The following SDK1 variants were observed in gnomAD, a reference collection of about 807,000 sequenced individuals.
The protein encoded by SDK1 is sidekick cell adhesion molecule 1.
In SDK1, 157 loss-of-function variants were observed where a neutral mutation model predicts 245.5. The observed-to-expected ratio is 0.64, with a 90% CI of 0.56 to 0.73. The LOEUF (loss-of-function observed/expected upper bound fraction) is 0.73, where lower values mean the gene tolerates loss of function less well. Ranked by LOEUF, SDK1 falls within the 30% of genes least tolerant of loss-of-function variation. The pLI is 0.00. For synonymous variants in SDK1, 1,647 were observed against 1,278.5 expected, an observed-to-expected ratio of 1.29 and a Z score of -6.15; for missense variants, 3,583 against 3,002.3, an observed-to-expected ratio of 1.19 and a Z score of -4.52.
rs1779260623 is a variant in SDK1, at chr7:3,301,627, G to GCGA, written c.43_44insACG (p.Gly14_Gly15insAsp). 1 of 977,742 alleles carries GCGA rather than the reference G, an allele frequency of 1.0e-6. No homozygotes were observed. The allele number at this position is 977,742 out of a possible 1,614,324, so 60.6% of individuals were successfully genotyped here. A position where few individuals can be genotyped will look rare whatever the true frequency, so the allele number is the denominator to read the frequency against. ...CGGCCCTCGGCGGCCGGTGGCGGCGGCGGCGGCGCGGAGCCCCCTGAGCGC... is the reference window on the plus strand; with the variant it reads ...CGGCCCTCGGCGGCCGGTGGCGGCGGCGACGGCGGCGCGGAGCCCCCTGAGCGC... On this transcript the variant is annotated inframe_insertion, in exon 1 of 45. Coordinates refer to ENST00000404826, the MANE Select transcript of SDK1 (RefSeq NM_152744.4).
chr7:4,226,176 A>C (rs1785434513), intron 40 of SDK1, among the ~76,000 whole-genome samples: 1 of 152,186 alleles, frequency 6.6e-6, no homozygotes, highest in Non-Finnish European at 1.5e-5. Context: ...GACGTTCTCC[A>C]GGTGGGGTGT....
At chr7:3,644,802 A>AAAAAAAAAACCAG (rs1297841435) in intron 4 of SDK1, among the ~76,000 whole-genome samples, 1 of 133,058 alleles carries the variant, frequency 7.5e-6, no homozygotes, top group Non-Finnish European at 1.6e-5. Flanking sequence ...ACAAAAAACA[A>AAAAAAAAAACCAG]CAACAACGGC....
chr7:3,408,735 G>C (rs935344791), intron 1 of SDK1, among the ~76,000 whole-genome samples: 1 of 152,082 alleles, frequency 6.6e-6, no homozygotes, highest in African/African-American at 2.4e-5. Flanking sequence ...CTCTATTTAT[G>C]AACTGTATGT....
chr7:4,255,567 G>C (rs927658023), intron 44 of SDK1, among the ~76,000 whole-genome samples: 1 of 152,170 alleles, frequency 6.6e-6, no homozygotes, highest in African/African-American at 2.4e-5. Flanking sequence ...CAGGCTCCCA[G>C]CTTACAAGCA....
At position 3,987,331 on chromosome 7, in the gene SDK1, C is replaced by G. The variant is rs761282662; in HGVS notation, c.2131+9C>G. On this transcript the variant is annotated intron_variant, in intron 14 of 44. Coordinates refer to ENST00000404826, the MANE Select transcript of SDK1 (RefSeq NM_152744.4). ...GGAGCTCTCTGAAAACAGTAAGTAG[C>G]AAAATGAAACTGTCACCATGGACGA... 3.1e-6 allele frequency: 5 copies of G among 1,612,754 alleles called. No individual in the cohort carries two copies. Among genetic ancestry groups the G allele is most frequent in the East Asian group, 4.5e-5 (2 of 44,890 alleles).
At chr7:4,031,609 ATATG>A (rs1158479829) in intron 17 of SDK1, among the ~76,000 whole-genome samples, 2 of 152,220 alleles carry the variant, frequency 1.3e-5, no homozygotes, top group African/African-American at 4.8e-5. Context: ...ACATGTAATT[ATATG>A]TATGTAGAGA....
At chr7:4,010,843 C>A in intron 14 of SDK1, 123 bp from the exon 15 acceptor site, 3 of 983,428 alleles carry the variant, frequency 3.1e-6, no homozygotes, top group Admixed American at 2.5e-5. Flanking sequence ...GATAAGCTTT[C>A]CTTCTCCTAG....
rs140013810 is a variant in SDK1, at chr7:3,700,874, C to A, written c.713+58769C>A. Among the ~76,000 whole-genome samples, 618 of 152,134 alleles carry A rather than the reference C, an allele frequency of 4.1e-3. 6 individuals carry two copies. Among genetic ancestry groups the A allele is most frequent in the African/African-American group, 0.014 (598 of 41,498 alleles). On this transcript the variant is annotated intron_variant, in intron 4 of 44. Coordinates refer to ENST00000404826, the MANE Select transcript of SDK1 (RefSeq NM_152744.4). ...TATTTCTATTTTTTTGGTGTGCTTC[C>A]GTCAGCTATTCCTTAAAGGTGGGTA...
intron 14 of SDK1, among the ~76,000 whole-genome samples, chr7:4,007,223 G>A (rs1487793306): frequency 6.6e-6 from 1 of 152,212 alleles, no homozygotes; most frequent in Non-Finnish European, 1.5e-5. Flanking sequence ...CAGAGGTGCG[G>A]GTGGAGGGGA....
At chr7:4,054,998 T>C (rs1004034309) in intron 19 of SDK1, among the ~76,000 whole-genome samples, 6 of 152,228 alleles carry the variant, frequency 3.9e-5, no homozygotes, top group African/African-American at 9.6e-5. Flanking sequence ...TTGACTTTGC[T>C]AGCACTTGGC....
At chr7:3,814,432 G>C (rs1324518230) in intron 4 of SDK1, among the ~76,000 whole-genome samples, 3 of 151,298 alleles carry the variant, frequency 2.0e-5, no homozygotes, top group Non-Finnish European at 4.4e-5. Context: ...TAGGTATGCG[G>C]CGTTATTTCT....
chr7:3,348,772 C>G (rs1780577293), intron 1 of SDK1, among the ~76,000 whole-genome samples: 1 of 152,080 alleles, frequency 6.6e-6, no homozygotes, highest in African/African-American at 2.4e-5. Context: ...CTGAGCTGAT[C>G]AAGTGAAATA....
chr7:3,423,270 G>C (rs947930852), intron 1 of SDK1, among the ~76,000 whole-genome samples: 2 of 152,132 alleles, frequency 1.3e-5, no homozygotes, highest in Non-Finnish European at 2.9e-5. Flanking sequence ...GGAGAAAAGA[G>C]GAAAATTTTT....
At chr7:3,654,373 G>T (rs993096476) in intron 4 of SDK1, among the ~76,000 whole-genome samples, 1 of 152,168 alleles carries the variant, frequency 6.6e-6, no homozygotes, top group Non-Finnish European at 1.5e-5. Context: ...GACTGCTGAT[G>T]AGCTCCCTGT....
At chr7:3,467,974 C>A in intron 1 of SDK1, among the ~76,000 whole-genome samples, 1 of 102,282 alleles carries the variant, frequency 9.8e-6, no homozygotes, top group African/African-American at 3.0e-5. Context: ...TCATTGTTGT[C>A]ATGTTTTTTT....
intron 36 of SDK1, among the ~76,000 whole-genome samples, chr7:4,207,086 G>A (rs1009647501): frequency 2.0e-5 from 3 of 152,184 alleles, no homozygotes; most frequent in South Asian, 2.1e-4. Flanking sequence ...GATCTTAGAC[G>A]GTCAATTCAG....
chr7:3,705,228 G>C (rs916135925), intron 4 of SDK1, among the ~76,000 whole-genome samples: 1 of 151,828 alleles, frequency 6.6e-6, no homozygotes, highest in Non-Finnish European at 1.5e-5. Context: ...CGTTAAAAAT[G>C]ATATAGGTAT....
At chr7:4,085,832 G>A (rs1046961246) in intron 22 of SDK1, among the ~76,000 whole-genome samples, 5 of 152,190 alleles carry the variant, frequency 3.3e-5, no homozygotes, top group African/African-American at 1.2e-4. Flanking sequence ...TGGGATTACA[G>A]GTGTGAGCCA....
chr7:3,758,468 A>C (rs1372806171), intron 4 of SDK1, among the ~76,000 whole-genome samples: 2 of 152,178 alleles, frequency 1.3e-5, no homozygotes, highest in Non-Finnish European at 2.9e-5. Context: ...TTGGTGCAAA[A>C]ATAATGGTAG....
Sources: allele counts gnomAD v4.1 joint callset (sites outside exome capture counted in the v4.1 genomes callset), GRCh38; gene constraint gnomAD v4.1.1; transcripts MANE v1.5; gene names NCBI Gene and HGNC (gene_info 2026-07-23, HGNC 2026-07-21).